Variants in ARL1 observed in about 807,000 individuals in gnomAD.
ARL1 encodes the protein ADP-ribosylation factor-like protein 1.
ARL1 carries 17 observed loss-of-function variants against 30.1 expected under a neutral mutation model. The ratio of observed to expected loss-of-function variants is 0.56; its 90% CI spans 0.39 to 0.85. The LOEUF is 0.85. Ranked by LOEUF, ARL1 falls within the 40% of genes least tolerant of loss-of-function variation. ARL1 has a pLI of 0.00. For missense variants in ARL1, 102 were observed against 212.6 expected (o/e 0.48, Z 3.24); for synonymous variants, 58 against 71.7 (o/e 0.81, Z 0.97).
intron 4 of ARL1, among the ~76,000 whole-genome samples, chr12:101,399,138 A>C (rs1871232058): frequency 6.6e-6 from 1 of 152,168 alleles, no homozygotes. Context: ...AAATTAACCA[A>C]ATGTTTAAAA....
At chr12:101,399,662 A>T (rs560640391) in intron 4 of ARL1, among the ~76,000 whole-genome samples, 1 of 152,264 alleles carries the variant, frequency 6.6e-6, no homozygotes, top group Non-Finnish European at 1.5e-5. Flanking sequence ...GACAAGAGAA[A>T]GAAACTTATC....
intron 3 of ARL1, among the ~76,000 whole-genome samples, chr12:101,402,420 C>T (rs1337971887): frequency 6.6e-6 from 1 of 152,220 alleles, no homozygotes; most frequent in East Asian, 1.9e-4. Flanking sequence ...AACTCCTGAC[C>T]TGATGATCCG....
At chr12:101,400,935 C>G in intron 4 of ARL1, 127 bp downstream of exon 4, 2 of 672,054 alleles carry the variant, frequency 3.0e-6, no homozygotes, top group Middle Eastern at 3.4e-4. Context: ...AATAGAAAAT[C>G]ATTTCCATAA....
chr12:101,407,744 T>G lies in ARL1; in HGVS notation c.-99A>C. On this transcript the variant is annotated 5_prime_UTR_variant, in exon 1 of 6. Coordinates refer to ENST00000261636, the MANE Select transcript of ARL1 (RefSeq NM_001177.6). ...CTCGCAAGCCCAGTCAGCCAGCAAC[T>G]TCCACGTCGGACTCCAGGCGGGGGC... 1.9e-6 allele frequency: 3 copies of G among 1,562,984 alleles called. No individual in the cohort carries two copies. The highest frequency in any genetic ancestry group is 2.6e-6 in the Non-Finnish European group (3 of 1,140,838).
chr12:101,406,039 A>C (rs1344826078), intron 1 of ARL1, 58 bp from the exon 2 acceptor site: 1 of 1,384,912 alleles, frequency 7.2e-7, no homozygotes, highest in Non-Finnish European at 9.8e-7. Context: ...TAGGTATACA[A>C]AACATCTAAC....
intron 4 of ARL1, among the ~76,000 whole-genome samples, chr12:101,397,138 T>A (rs1169778395): frequency 6.6e-6 from 1 of 152,192 alleles, no homozygotes; most frequent in Non-Finnish European, 1.5e-5. Context: ...ATGAACAGTT[T>A]TTTTCAGGCT....
At chr12:101,397,384 A>C (rs1011232645) in intron 4 of ARL1, among the ~76,000 whole-genome samples, 1 of 152,122 alleles carries the variant, frequency 6.6e-6, no homozygotes, top group African/African-American at 2.4e-5. Flanking sequence ...TCTCTACAAA[A>C]ATTTTTTTAA....
At chr12:101,396,910 C>A (rs1324996046) in intron 4 of ARL1, among the ~76,000 whole-genome samples, 1 of 152,062 alleles carries the variant, frequency 6.6e-6, no homozygotes, top group Non-Finnish European at 1.5e-5. Flanking sequence ...CATGTTTCTC[C>A]AAACTACAAC....
intron 5 of ARL1, 91 bp downstream of exon 5, chr12:101,396,308 A>T: frequency 6.6e-7 from 1 of 1,519,994 alleles, no homozygotes. Flanking sequence ...TCAAAGTTTC[A>T]TCCTCAACAC....
At position 101,396,579 on chromosome 12, in the gene ARL1, TAAATG is replaced by T. The variant is rs1216487079; in HGVS notation, c.337-7_337-3del. 4.4e-6 allele frequency: 7 copies of T among 1,604,434 alleles called. No individual in the cohort carries two copies. Among genetic ancestry groups the T allele is most frequent in the Non-Finnish European group, 6.0e-6 (7 of 1,174,042 alleles). On this transcript the variant is annotated splice_polypyrimidine_tract_variant and splice_region_variant and intron_variant, in intron 4 of 5. Transcript: ENST00000261636. ...AATGGCTTTTCTCAGCTCTTCTTCCTAAATGAAATTGAAAATATTTAATTTCTTTT... is the reference window on the plus strand; with the variant it reads ...AATGGCTTTTCTCAGCTCTTCTTCCTAAATTGAAAATATTTAATTTCTTTT...
intron 5 of ARL1, 41 bp downstream of exon 5, chr12:101,396,358 C>T: frequency 2.5e-6 from 4 of 1,612,146 alleles, no homozygotes; most frequent in Non-Finnish European, 3.4e-6. Context: ...GCTGCAAGCA[C>T]ACACAAATGC....
chr12:101,402,192 A>T (rs929688726), intron 3 of ARL1, among the ~76,000 whole-genome samples: 1 of 151,828 alleles, frequency 6.6e-6, no homozygotes, highest in African/African-American at 2.4e-5. Flanking sequence ...TTATTCATTT[A>T]TTTTTTTTGA....
At chr12:101,397,664 T>C (rs1229567310) in intron 4 of ARL1, among the ~76,000 whole-genome samples, 3 of 152,034 alleles carry the variant, frequency 2.0e-5, no homozygotes, top group Admixed American at 6.6e-5. Flanking sequence ...CACGCCCAGC[T>C]AATTTTTGTA....
chr12:101,402,960 C>A lies in ARL1; in HGVS notation c.143-14G>T. On this transcript the variant is annotated splice_polypyrimidine_tract_variant and intron_variant, in intron 2 of 5. Coordinates refer to ENST00000261636, the MANE Select transcript of ARL1 (RefSeq NM_001177.6). ...TAAATCCAATGGCTGGAAGAGAAAT[C>A]AAATCAGTGGTATGTGTAGACTAAT... The A allele has an allele frequency of 6.3e-7, 1 of 1,599,112 alleles. No homozygotes were observed. The highest frequency in any genetic ancestry group is 1.1e-5 in the South Asian group (1 of 90,448).
chr12:101,400,055 G>A (rs1871261860), intron 4 of ARL1, among the ~76,000 whole-genome samples: 1 of 151,986 alleles, frequency 6.6e-6, no homozygotes, highest in Non-Finnish European at 1.5e-5. Flanking sequence ...AGCCTCCCAA[G>A]TAGCTGGGAC....
chr12:101,406,165 G>A (rs1447625833), intron 1 of ARL1, among the ~76,000 whole-genome samples, 184 bp from the exon 2 acceptor site: 1 of 152,104 alleles, frequency 6.6e-6, no homozygotes, highest in Non-Finnish European at 1.5e-5. Flanking sequence ...AATTAGTTAT[G>A]TTACTATGTC....
intron 2 of ARL1, chr12:101,403,369 CCCTCATAATAGAGTAGTTAAAAGTGT>C (rs1182712923): frequency 3.2e-6 from 1 of 315,636 alleles, no homozygotes; most frequent in East Asian, 8.8e-5. Context: ...TATTAAACTC[CCCTCATAATAGAGTAGTTAAAAGTGT>C]TCGAAAGCTG....
intron 4 of ARL1, among the ~76,000 whole-genome samples, chr12:101,400,554 T>C (rs1230125377): frequency 1.3e-5 from 2 of 152,036 alleles, no homozygotes; most frequent in African/African-American, 4.8e-5. Flanking sequence ...TGGAGAATAG[T>C]ATTCCAAGCA....
upstream of ARL1, chr12:101,407,779 G>T: frequency 1.5e-6 from 2 of 1,319,152 alleles, no homozygotes; most frequent in Non-Finnish European, 2.2e-6. Flanking sequence ...CGGGAGCGAG[G>T]GTCAGCTGCG....
Sources: gnomAD v4.1 joint callset for allele counts (sites outside exome capture counted in the v4.1 genomes callset) on GRCh38, gnomAD v4.1.1 for gene constraint, MANE v1.5 for transcripts, NCBI Gene and HGNC (gene_info 2026-07-23, HGNC 2026-07-21) for gene names.